SORCS2: variants seen among roughly 807,000 people sequenced by gnomAD.
SORCS2 encodes sortilin related VPS10 domain containing receptor 2.
SORCS2 carries 100 observed loss-of-function variants against 141.6 expected under a neutral mutation model. The observed-to-expected ratio is 0.71, with a 90% CI of 0.60 to 0.83. The LOEUF (loss-of-function observed/expected upper bound fraction) is 0.83, where lower values mean the gene tolerates loss of function less well. Ranked by LOEUF, SORCS2 falls within the 40% of genes least tolerant of loss-of-function variation. The probability of loss-of-function intolerance (pLI) is 0.00; values close to 1 mark genes in which losing one functional copy is unlikely to be tolerated. For synonymous variants in SORCS2, 789 were observed against 676.9 expected (o/e 1.17, Z -2.57); for missense variants, 1,646 against 1,560.2 (o/e 1.05, Z -0.93).
chr4:7,425,045 G>A (rs921027821), intron 2 of SORCS2, among the ~76,000 whole-genome samples: 1 of 152,216 alleles, frequency 6.6e-6, no homozygotes, highest in African/African-American at 2.4e-5. Flanking sequence ...GACACAGGAT[G>A]TTGGTGCAGT....
rs149929790 is a variant in SORCS2, at chr4:7,367,785, A to T, written c.481-28503A>T. 1.9e-3 allele frequency among the ~76,000 whole-genome samples: 282 copies of T among 152,350 alleles called. 2 individuals carry two copies. The highest frequency in any genetic ancestry group is 6.3e-3 in the African/African-American group (261 of 41,584). ...TTTAAATAAACTCGGGGAAGTGGGCAAACAAAAAGAGACAACTTAAAAGGA... is the reference window on the plus strand; with the variant it reads ...TTTAAATAAACTCGGGGAAGTGGGCTAACAAAAAGAGACAACTTAAAAGGA... On this transcript the variant is annotated intron_variant, in intron 1 of 26. Coordinates refer to ENST00000507866, the MANE Select transcript of SORCS2 (RefSeq NM_020777.3).
intron 2 of SORCS2, among the ~76,000 whole-genome samples, chr4:7,530,894 G>A (rs1482579401): frequency 6.6e-6 from 1 of 152,190 alleles, no homozygotes; most frequent in Non-Finnish European, 1.5e-5. Flanking sequence ...TCCAGCAGAT[G>A]CCACTCCAGG....
intron 3 of SORCS2, among the ~76,000 whole-genome samples, chr4:7,587,979 A>G (rs1017007206): frequency 2.0e-5 from 3 of 152,214 alleles, no homozygotes; most frequent in African/African-American, 7.2e-5. Context: ...CTCTAACTGT[A>G]AAAGTGGTCC....
chr4:7,452,403 A>G (rs1560296261), intron 2 of SORCS2, among the ~76,000 whole-genome samples: 1 of 152,050 alleles, frequency 6.6e-6, no homozygotes, highest in Non-Finnish European at 1.5e-5. Context: ...TGGCCTCCCA[A>G]AGTGCTGGGA....
intron 2 of SORCS2, among the ~76,000 whole-genome samples, chr4:7,415,496 G>A (rs895658671): frequency 1.3e-5 from 2 of 152,164 alleles, no homozygotes; most frequent in African/African-American, 4.8e-5. Context: ...CTGCCTTTTA[G>A]GGACCCCTGG....
At chr4:7,516,784 C>T (rs10470722) in intron 2 of SORCS2, among the ~76,000 whole-genome samples, 12,244 of 152,200 alleles carry the variant, frequency 0.08, 670 homozygotes, top group African/African-American at 0.16. Context: ...TCCTAGCTGC[C>T]GTTGAATTGT....
In SORCS2 at chr4:7,740,882, C is replaced by T. The variant is rs935851997; in HGVS notation, c.*618C>T. ...GTGTCTCACTCTCTGTCTTTATAGCCGGCGGTAGCCACCGGGGTGGCTCTG... is the reference window on the plus strand; with the variant it reads ...GTGTCTCACTCTCTGTCTTTATAGCTGGCGGTAGCCACCGGGGTGGCTCTG... On this transcript the variant is annotated 3_prime_UTR_variant, in exon 27 of 27. Coordinates refer to ENST00000507866, the MANE Select transcript of SORCS2 (RefSeq NM_020777.3). 27 of 396,652 alleles carry T rather than the reference C, an allele frequency of 6.8e-5. No individual in the cohort carries two copies. Among genetic ancestry groups the T allele is most frequent in the East Asian group, 2.1e-4 (6 of 27,972 alleles). 24.6% of individuals were successfully genotyped at this position (396,652 alleles called of 1,614,324 possible).
At chr4:7,659,375 C>G (rs1164526209) in intron 5 of SORCS2, among the ~76,000 whole-genome samples, 1 of 152,152 alleles carries the variant, frequency 6.6e-6, no homozygotes, top group Non-Finnish European at 1.5e-5. Context: ...TGGACTCCAT[C>G]CCTGCCTTCC....
In SORCS2 at chr4:7,640,218, G is replaced by C. The variant is rs550898055; in HGVS notation, c.813+1726G>C. 6.0e-4 allele frequency among the ~76,000 whole-genome samples: 79 copies of C among 132,160 alleles called. 1 individual carries two copies. The highest frequency in any genetic ancestry group is 2.3e-3 in the African/African-American group (78 of 34,414). The allele number at this position is 132,160 out of a possible 152,430, so 86.7% of individuals were successfully genotyped here. A position where few individuals can be genotyped will look rare whatever the true frequency, so the allele number is the denominator to read the frequency against. On this transcript the variant is annotated intron_variant, in intron 4 of 26. Transcript: ENST00000507866. ...AGTGTGAGTGTGTACATGTATGGGT[G>C]TGTATGAGCGTGTGTGTGTGAGAAC... is the stretch of plus-strand genomic sequence containing the variant.
intron 3 of SORCS2, among the ~76,000 whole-genome samples, chr4:7,580,303 G>A (rs773563644): frequency 1.6e-4 from 24 of 152,122 alleles, no homozygotes; most frequent in Admixed American, 6.5e-5. Flanking sequence ...CCAATGTGGT[G>A]AAACCCCATC....
intron 2 of SORCS2, among the ~76,000 whole-genome samples, chr4:7,488,747 A>G (rs1228805409): frequency 6.6e-6 from 1 of 152,160 alleles, no homozygotes; most frequent in African/African-American, 2.4e-5. Flanking sequence ...TGGCCGCCCT[A>G]TTGTCCGCAG....
intron 3 of SORCS2, among the ~76,000 whole-genome samples, chr4:7,535,475 G>C (rs1233389653): frequency 6.6e-6 from 1 of 152,208 alleles, no homozygotes; most frequent in African/African-American, 2.4e-5. Flanking sequence ...CTGAGACCTT[G>C]AGCAAGTGTG....
At chr4:7,254,186 G>A (rs1326294964) in intron 1 of SORCS2, among the ~76,000 whole-genome samples, 1 of 152,134 alleles carries the variant, frequency 6.6e-6, no homozygotes, top group Non-Finnish European at 1.5e-5. Context: ...TCTACCCGAA[G>A]GAAAGGATCA....
At chr4:7,244,965 G>A (rs1421515013) in intron 1 of SORCS2, among the ~76,000 whole-genome samples, 4 of 152,158 alleles carry the variant, frequency 2.6e-5, no homozygotes, top group Non-Finnish European at 4.4e-5. Context: ...AGTTGGAAGG[G>A]GGGTGGCTGG....
intron 11 of SORCS2, among the ~76,000 whole-genome samples, chr4:7,693,968 C>A (rs1366080662): frequency 6.6e-6 from 1 of 152,184 alleles, no homozygotes; most frequent in Non-Finnish European, 1.5e-5. Context: ...ACCGGCGGAA[C>A]CTGGAAGACT....
At chr4:7,403,896 A>AC (rs71645797) in intron 2 of SORCS2, among the ~76,000 whole-genome samples, 35 of 135,036 alleles carry the variant, frequency 2.6e-4, no homozygotes, top group Admixed American at 2.2e-3. Flanking sequence ...TGAATACTCC[A>AC]CCCCCCCGTA....
chr4:7,546,007 C>T (rs1002911991), intron 3 of SORCS2, among the ~76,000 whole-genome samples: 6 of 151,952 alleles, frequency 3.9e-5, no homozygotes, highest in Non-Finnish European at 7.3e-5. Flanking sequence ...AAGAGCTAGC[C>T]AGCTCTCTGG....
chr4:7,219,170 C>CTGTGTGTGTGTGTGTGTG (rs57092836), intron 1 of SORCS2, among the ~76,000 whole-genome samples: 6,965 of 150,670 alleles, frequency 0.046, 274 homozygotes, highest in East Asian at 0.22. Context: ...TTTGTCTATG[C>CTGTGTGTGTGTGTGTGTG]TGTGTGTGTG....
chr4:7,640,218 G>A (rs550898055), intron 4 of SORCS2, among the ~76,000 whole-genome samples: 1 of 132,088 alleles, frequency 7.6e-6, no homozygotes, highest in Admixed American at 7.5e-5. Flanking sequence ...ATGTATGGGT[G>A]TGTATGAGCG....
Sources: gnomAD v4.1 joint callset for allele counts (sites outside exome capture counted in the v4.1 genomes callset) on GRCh38, gnomAD v4.1.1 for gene constraint, MANE v1.5 for transcripts, NCBI Gene and HGNC (gene_info 2026-07-23, HGNC 2026-07-21) for gene names.